LOXHD1: variants seen among roughly 807,000 people sequenced by gnomAD.
LOXHD1 encodes the protein lipoxygenase homology PLAT domains 1.
A neutral mutation model predicts 248.2 loss-of-function variants in LOXHD1; 205 were observed. The observed-to-expected ratio is 0.83, with a 90% CI of 0.74 to 0.93. The LOEUF is 0.93. Ranked by LOEUF, LOXHD1 falls within the 40% of genes least tolerant of loss-of-function variation. The probability of loss-of-function intolerance (pLI) is 0.00; values close to 1 mark genes in which losing one functional copy is unlikely to be tolerated. For synonymous variants in LOXHD1, 1,113 were observed against 1,162.8 expected (o/e 0.96, Z 0.87); for missense variants, 2,930 against 2,971.6 (o/e 0.99, Z 0.33).
intron 14 of LOXHD1, among the ~76,000 whole-genome samples, chr18:46,576,033 C>A (rs1342938487): frequency 6.6e-6 from 1 of 152,158 alleles, no homozygotes; most frequent in Non-Finnish European, 1.5e-5. Flanking sequence ...TGCAGGCAGG[C>A]CTTTCCCATT....
chr18:46,523,560 T>C (rs559112712), intron 31 of LOXHD1, among the ~76,000 whole-genome samples: 14 of 152,366 alleles, frequency 9.2e-5, no homozygotes, highest in Middle Eastern at 3.4e-3. Context: ...CAGTTACTAA[T>C]TGATACAAGT....
At chr18:46,590,011 CA>C (rs1267647889) in intron 12 of LOXHD1, among the ~76,000 whole-genome samples, 1 of 152,084 alleles carries the variant, frequency 6.6e-6, no homozygotes, top group Non-Finnish European at 1.5e-5. Flanking sequence ...TTTAACTAAA[CA>C]AAAAAGTTTT....
Position 46,643,124 on chromosome 18 carries a change from G to T in LOXHD1, c.246-1088C>A, listed in dbSNP as rs1388128667. On this transcript the variant is annotated intron_variant, in intron 2 of 40. Transcript: ENST00000642948. ...CCCAGGAGCTGTGATTCTGTGAACGGACTCATGGTGTCAAACAATCTGCCC... is the reference window on the plus strand; with the variant it reads ...CCCAGGAGCTGTGATTCTGTGAACGTACTCATGGTGTCAAACAATCTGCCC... Among the ~76,000 whole-genome samples, 3 of 152,206 alleles carry T rather than the reference G, an allele frequency of 2.0e-5. No homozygotes were observed. The East Asian group carries it at 5.8e-4, about 29-fold the overall frequency.
chr18:46,553,187 T>C (rs574464295), intron 21 of LOXHD1, among the ~76,000 whole-genome samples: 1 of 152,330 alleles, frequency 6.6e-6, no homozygotes, highest in Admixed American at 6.5e-5. Flanking sequence ...CAAGCCACTT[T>C]TCCATGTTAA....
At chr18:46,629,852 A>G (rs2038797212) in intron 4 of LOXHD1, among the ~76,000 whole-genome samples, 1 of 151,638 alleles carries the variant, frequency 6.6e-6, no homozygotes, top group Non-Finnish European at 1.5e-5. Flanking sequence ...TTGCTCCAGA[A>G]TGGGAGTCCA....
intron 4 of LOXHD1, among the ~76,000 whole-genome samples, chr18:46,624,889 C>A (rs11878066): frequency 6.6e-6 from 1 of 152,156 alleles, no homozygotes; most frequent in African/African-American, 2.4e-5. Flanking sequence ...ATACCCTCCA[C>A]CTTGCTCTCC....
intron 25 of LOXHD1, among the ~76,000 whole-genome samples, chr18:46,539,946 T>A (rs1477962310): frequency 6.6e-6 from 1 of 152,210 alleles, no homozygotes; most frequent in Admixed American, 6.5e-5. Context: ...AGACGTTGCT[T>A]TCATTTATCA....
At chr18:46,586,198 A>C (rs2038056464) in intron 12 of LOXHD1, among the ~76,000 whole-genome samples, 2 of 152,226 alleles carry the variant, frequency 1.3e-5, no homozygotes, top group African/African-American at 4.8e-5. Context: ...AGATTAGGCC[A>C]ATCTGTGGAG....
chr18:46,531,408 C>G (rs1208154950), intron 28 of LOXHD1, among the ~76,000 whole-genome samples: 1 of 152,048 alleles, frequency 6.6e-6, no homozygotes, highest in Non-Finnish European at 1.5e-5. Flanking sequence ...GACGGTCTCC[C>G]CCCTCATTTT....
chr18:46,584,435 T>C (rs1411402715), intron 12 of LOXHD1, among the ~76,000 whole-genome samples: 1 of 152,158 alleles, frequency 6.6e-6, no homozygotes, highest in Non-Finnish European at 1.5e-5. Flanking sequence ...ATGGATAGGC[T>C]AACAACACTG....
rs876657496 is a variant in LOXHD1, at chr18:46,541,834, G to A, written c.3855C>T (p.Asp1285=). 2.3e-5 allele frequency: 36 copies of A among 1,551,588 alleles called. No individual in the cohort carries two copies. In the African/African-American group the frequency reaches 2.3e-4, roughly 10 times the overall value. The change falls in exon 25 of 41, where the codon GAC becomes GAT. Residue 1285 remains aspartate, a synonymous_variant. Coordinates refer to ENST00000642948, the MANE Select transcript of LOXHD1 (RefSeq NM_001384474.1). Reference sequence around the variant, plus strand: ...GGAAGAGGTCTCTGATGATGGACCCGTCGTCTTCGTTTTTGGCCAGCCAGC... The same window carrying A: ...GGAAGAGGTCTCTGATGATGGACCCATCGTCTTCGTTTTTGGCCAGCCAGC... ...CGRWLAKNED[D]GSIIRDLFHA...
intron 37 of LOXHD1, among the ~76,000 whole-genome samples, chr18:46,495,838 C>A (rs1306695611): frequency 6.6e-6 from 1 of 152,100 alleles, no homozygotes; most frequent in Non-Finnish European, 1.5e-5. Context: ...AAGAGATCAG[C>A]CTGACCAACA....
chr18:46,618,156 G>T (rs767387989), intron 5 of LOXHD1, 36 bp downstream of exon 5: 44 of 1,480,668 alleles, frequency 3.0e-5, no homozygotes. Flanking sequence ...ATAGTCCTGG[G>T]CTTGGCTTAT....
rs1462494520 is a variant in LOXHD1 at position 46,524,349 on chromosome 18, CTAAG to C, written c.4876+113_4876+116del. The C allele has an allele frequency of 1.6e-5, 22 of 1,374,390 alleles. No homozygotes were observed. In the African/African-American group the frequency reaches 2.3e-4, roughly 14 times the overall value. The allele number at this position is 1,374,390 out of a possible 1,614,324, so 85.1% of individuals were successfully genotyped here. ...ATATGTGTGAAAACTATGTAAATGA[CTAAG>C]TGTTAGATATGTCATCGGTGATGGT... is the stretch of plus-strand genomic sequence containing the variant. On this transcript the variant is annotated intron_variant, in intron 31 of 40. Transcript: ENST00000642948.
At chr18:46,635,366 A>G (rs2038879900) in intron 4 of LOXHD1, among the ~76,000 whole-genome samples, 1 of 152,136 alleles carries the variant, frequency 6.6e-6, no homozygotes, top group Non-Finnish European at 1.5e-5. Flanking sequence ...ACAGGCTCTG[A>G]CCTCTTAGGT....
intron 21 of LOXHD1, among the ~76,000 whole-genome samples, chr18:46,550,214 G>A (rs979697119): frequency 2.0e-5 from 3 of 152,214 alleles, no homozygotes; most frequent in African/African-American, 7.2e-5. Flanking sequence ...GGATGCTGAA[G>A]AACACTGAAT....
At chr18:46,478,052 T>G in intron 40 of LOXHD1, 100 bp from the exon 41 acceptor site, 1 of 1,402,296 alleles carries the variant, frequency 7.1e-7, no homozygotes, top group Middle Eastern at 2.5e-4. Flanking sequence ...AAATGATCCC[T>G]TCCCAAGGTG....
intron 29 of LOXHD1, among the ~76,000 whole-genome samples, chr18:46,526,172 G>A (rs1183381291): frequency 2.0e-5 from 3 of 152,214 alleles, no homozygotes; most frequent in Non-Finnish European, 4.4e-5. Context: ...CCACTTGTTT[G>A]CATCTGTCCT....
chr18:46,617,135 G>A (rs1285041988), intron 5 of LOXHD1, among the ~76,000 whole-genome samples: 4 of 152,200 alleles, frequency 2.6e-5, no homozygotes, highest in Admixed American at 6.5e-5. Flanking sequence ...ACTTGAGGGA[G>A]AGGGGGTCCC....
Sources: allele counts gnomAD v4.1 joint callset (sites outside exome capture counted in the v4.1 genomes callset), GRCh38; gene constraint gnomAD v4.1.1; transcripts MANE v1.5; gene names NCBI Gene and HGNC (gene_info 2026-07-23, HGNC 2026-07-21).